OMA1: variants seen among roughly 807,000 people sequenced by gnomAD.
OMA1 encodes OMA1 zinc metallopeptidase, also known as metalloendopeptidase OMA1, mitochondrial.
A neutral mutation model predicts 30.9 loss-of-function variants in OMA1; 38 were observed. That is an observed-to-expected ratio of 1.23 (90% confidence interval 0.95 to 1.61). The LOEUF (loss-of-function observed/expected upper bound fraction) is 1.61. Ranked by LOEUF, OMA1 falls within the 40% of genes most tolerant of loss-of-function variation. The pLI is 0.00. For missense variants in OMA1, 461 were observed against 349.2 expected (o/e 1.32, Z -2.55); for synonymous variants, 173 against 121.9 (o/e 1.42, Z -2.76).
chr1:58,536,639 A>G lies in OMA1; in HGVS notation c.603T>C (p.Ser201=), dbSNP rs893287152. Residue 201 remains serine (S), a synonymous_variant, in exon 3 of 9, where the codon AGT becomes AGC. Transcript: ENST00000371226. ...NKWKLFLGLS[S]FGLLFVVFYF... ...AAAACACCACAAAGAGCAATCCAAA[A>G]CTACTCAAACCAAGGAATAGCTTCC... 1 of 872,814 alleles carries G rather than the reference A, an allele frequency of 1.1e-6. No individual in the cohort carries two copies. The highest frequency in any genetic ancestry group is 2.0e-6 in the Non-Finnish European group (1 of 501,620). 54.1% of individuals were successfully genotyped at this position (872,814 alleles called of 1,614,324 possible). A position where few individuals can be genotyped will look rare whatever the true frequency, so the allele number is the denominator to read the frequency against.
intron 7 of OMA1, among the ~76,000 whole-genome samples, chr1:58,516,713 T>G (rs532962049): frequency 6.6e-6 from 1 of 152,262 alleles, no homozygotes; most frequent in South Asian, 2.1e-4. Flanking sequence ...CGTTGAAACC[T>G]CATAAATCCA....
rs993947005 is a variant in OMA1 at position 58,509,758 on chromosome 1, GA to G, written c.1216-3550del. On this transcript the variant is annotated intron_variant, in intron 7 of 8. Transcript: ENST00000371226. ...CAAAACTGACAAGTCGTTAGAGTAA[GA>G]AAAAAAAAGACTTAAGTGAACAAAA... is the stretch of plus-strand genomic sequence containing the variant. 1.3e-4 allele frequency among the ~76,000 whole-genome samples: 20 copies of G among 149,952 alleles called. 1 individual carries two copies. Among genetic ancestry groups the G allele is most frequent in the Admixed American group, 4.0e-4 (6 of 15,030 alleles).
intron 7 of OMA1, among the ~76,000 whole-genome samples, chr1:58,520,823 G>C (rs966081027): frequency 6.6e-6 from 1 of 151,790 alleles, no homozygotes; most frequent in African/African-American, 2.4e-5. Flanking sequence ...AAAATTAATA[G>C]CCCTAAAAGG....
intron 7 of OMA1, among the ~76,000 whole-genome samples, chr1:58,514,887 G>T (rs1412495081): frequency 6.6e-6 from 1 of 152,138 alleles, no homozygotes; most frequent in Non-Finnish European, 1.5e-5. Flanking sequence ...CTGTCTATGA[G>T]AGCTTTGCCA....
intron 7 of OMA1, among the ~76,000 whole-genome samples, chr1:58,513,384 A>G (rs1436305232): frequency 6.6e-6 from 1 of 152,150 alleles, no homozygotes. Flanking sequence ...TCTTTACAGC[A>G]CTGTGAAAAT....
At chr1:58,545,337 A>T (rs11207254) in intron 1 of OMA1, among the ~76,000 whole-genome samples, 98,640 of 151,966 alleles carry the variant, frequency 0.65, 34,106 homozygotes, top group East Asian at 0.94. Context: ...CTACGCATAT[A>T]TAATTAAAAC....
rs1646367808 is a variant in OMA1, at chr1:58,527,320, G to A, written c.1156C>T (p.Pro386Ser). The A allele has an allele frequency of 1.1e-6, 1 of 871,818 alleles. No individual in the cohort carries two copies. 54.0% of individuals were successfully genotyped at this position (871,818 alleles called of 1,614,324 possible). ...TCGGCCTCCAATTTTCTGCTGTATG[G>A]TCTATTAAACATATACTAAGAAGAA... is the stretch of plus-strand genomic sequence containing the variant. ...SKLQEYMFNR[P>S]YSRKLEAEAD... The change falls in exon 7 of 9, where the codon CCA becomes TCA. Residue 386 changes from proline (P) to serine (S), a missense_variant. Transcript: ENST00000371226.
chr1:58,507,149 T>C (rs531123233), intron 7 of OMA1, among the ~76,000 whole-genome samples: 12 of 151,960 alleles, frequency 7.9e-5, no homozygotes, highest in Non-Finnish European at 1.5e-4. Context: ...CTCCATAAGG[T>C]GGATTATTAA....
At chr1:58,491,526 C>G (rs1219019673) in intron 8 of OMA1, among the ~76,000 whole-genome samples, 1 of 152,042 alleles carries the variant, frequency 6.6e-6, no homozygotes, top group African/African-American at 2.4e-5. Context: ...ACCCATCTCA[C>G]GTGCAGAGAC....
chr1:58,481,211 T>C (rs1393968517), intron 8 of OMA1, 37 bp from the exon 9 acceptor site: 5 of 670,872 alleles, frequency 7.5e-6, no homozygotes, highest in Non-Finnish European at 1.3e-5. Flanking sequence ...ATACTATATA[T>C]ATACATCAAT....
At chr1:58,536,808 C>A in intron 2 of OMA1, 67 bp from the exon 3 acceptor site, 1 of 783,740 alleles carries the variant, frequency 1.3e-6, no homozygotes. Context: ...AGCTCAAATG[C>A]ATACACTAGA....
Position 58,481,126 on chromosome 1 carries a change from C to G in OMA1, c.1414G>C (p.Asp472His), listed in dbSNP as rs778270856. 1 of 870,994 alleles carries G rather than the reference C, an allele frequency of 1.1e-6. No individual in the cohort carries two copies. The highest frequency in any genetic ancestry group is 2.0e-6 in the Non-Finnish European group (1 of 500,790). The allele number at this position is 870,994 out of a possible 1,614,324, so 54.0% of individuals were successfully genotyped here. The change falls in exon 9 of 9, where the codon GAC becomes CAC. Residue 472 changes from aspartate to histidine, a missense_variant. By Grantham distance (81) the Asp-to-His change is moderately conservative. Transcript: ENST00000371226. ...CTGAGTTTGAATAGTAATCGAGGGT[C>G]TGGATTAGACAGTGGTGGACAATTA... is the stretch of plus-strand genomic sequence containing the variant. ...MCNCPPLSNP[D>H]PRLLFKLSTK...
At chr1:58,485,256 A>AAAAT (rs1645557772) in intron 8 of OMA1, among the ~76,000 whole-genome samples, 2 of 145,122 alleles carry the variant, frequency 1.4e-5, no homozygotes, top group East Asian at 4.0e-4. Context: ...AAAAAAAAAA[A>AAAAT]GCTGGCCTGG....
intron 3 of OMA1, among the ~76,000 whole-genome samples, chr1:58,535,110 T>C (rs537810511): frequency 1.3e-5 from 2 of 152,308 alleles, no homozygotes; most frequent in African/African-American, 4.8e-5. Context: ...TACTCACAGA[T>C]TGAAAGGAAA....
chr1:58,512,659 C>T (rs144255301), intron 7 of OMA1, among the ~76,000 whole-genome samples: 43 of 152,286 alleles, frequency 2.8e-4, no homozygotes, highest in African/African-American at 9.6e-4. Context: ...TGGACAAATA[C>T]GAGACGATTC....
intron 8 of OMA1, among the ~76,000 whole-genome samples, chr1:58,500,303 T>G (rs1260418546): frequency 6.6e-6 from 1 of 152,160 alleles, no homozygotes; most frequent in African/African-American, 2.4e-5. Flanking sequence ...CAACACTCTC[T>G]ATGTCAGACA....
intron 1 of OMA1, among the ~76,000 whole-genome samples, chr1:58,545,638 C>T (rs183785460): frequency 1.1e-4 from 17 of 152,344 alleles, no homozygotes; most frequent in Non-Finnish European, 2.4e-4. Context: ...TTGTTAGCCT[C>T]TACGAACATT....
intron 8 of OMA1, among the ~76,000 whole-genome samples, chr1:58,485,228 T>TAAAAAAAAAAAAAAAA (rs71043289): frequency 2.1e-4 from 9 of 42,054 alleles, no homozygotes; most frequent in Non-Finnish European, 2.5e-4. Flanking sequence ...AGTCTACTAC[T>TAAAAAAAAAAAAAAAA]AAAAAAAAAA....
chr1:58,500,837 T>G (rs1645895072), intron 8 of OMA1, among the ~76,000 whole-genome samples: 1 of 152,190 alleles, frequency 6.6e-6, no homozygotes, highest in South Asian at 2.1e-4. Context: ...GTTTTCAGTT[T>G]TAAAATAAAT....
Sources: allele counts gnomAD v4.1 joint callset (sites outside exome capture counted in the v4.1 genomes callset), GRCh38; gene constraint gnomAD v4.1.1; transcripts MANE v1.5; gene names NCBI Gene and HGNC (gene_info 2026-07-23, HGNC 2026-07-21).